The following EXOC4 variants were observed in gnomAD, a reference collection of about 807,000 sequenced individuals.
EXOC4 encodes the protein exocyst complex component 4, also known as SEC8-like 1.
EXOC4 carries 71 observed loss-of-function variants against 107.2 expected under a neutral mutation model. That is an observed-to-expected ratio of 0.66 (90% CI 0.55 to 0.81). The LOEUF is 0.81. Ranked by LOEUF, EXOC4 falls within the 30% of genes least tolerant of loss-of-function variation. The probability of loss-of-function intolerance (pLI) is 0.00; values close to 1 mark genes in which losing one functional copy is unlikely to be tolerated. For synonymous variants in EXOC4, 456 were observed against 441.2 expected, an observed-to-expected ratio of 1.03 and a Z score of -0.42; for missense variants, 1,108 against 1,189.6, an observed-to-expected ratio of 0.93 and a Z score of 1.01.
chr7:133,701,997 C>CTTTTTTTTTTTTTTTTTTTTT (rs71162021), intron 10 of EXOC4, among the ~76,000 whole-genome samples: 1 of 66,608 alleles, frequency 1.5e-5, no homozygotes, highest in African/African-American at 5.4e-5. Flanking sequence ...TTCTTTCTTT[C>CTTTTTTTTTTTTTTTTTTTTT]TTTTTTTTTT....
chr7:133,869,099 C>T (rs1316773054), intron 11 of EXOC4, among the ~76,000 whole-genome samples: 2 of 149,998 alleles, frequency 1.3e-5, no homozygotes, highest in Non-Finnish European at 1.5e-5. Context: ...GAGAGTGTAA[C>T]TTGTCTAGAA....
chr7:134,050,928 C>T (rs1795769990), intron 17 of EXOC4, among the ~76,000 whole-genome samples: 1 of 151,886 alleles, frequency 6.6e-6, no homozygotes, highest in Non-Finnish European at 1.5e-5. Context: ...TAAGAGGCAA[C>T]TGTAACAATC....
intron 6 of EXOC4, among the ~76,000 whole-genome samples, chr7:133,364,813 T>G (rs1008988570): frequency 6.6e-6 from 1 of 152,220 alleles, no homozygotes; most frequent in Non-Finnish European, 1.5e-5. Flanking sequence ...GGGGCATTAT[T>G]ATTAATCCCA....
At chr7:133,275,238 G>A in intron 2 of EXOC4, 67 bp downstream of exon 2, 1 of 1,314,898 alleles carries the variant, frequency 7.6e-7, no homozygotes, top group Non-Finnish European at 1.0e-6. Context: ...AGCTTGGAGA[G>A]GAGCCATGGT....
At chr7:133,816,063 C>T (rs1256907334) in intron 10 of EXOC4, among the ~76,000 whole-genome samples, 2 of 152,174 alleles carry the variant, frequency 1.3e-5, no homozygotes, top group Admixed American at 6.5e-5. Flanking sequence ...TGCTAATAGA[C>T]ATTGGAAGAA....
intron 7 of EXOC4, among the ~76,000 whole-genome samples, chr7:133,407,491 A>G (rs1367561612): frequency 6.6e-6 from 1 of 152,192 alleles, no homozygotes; most frequent in Non-Finnish European, 1.5e-5. Context: ...CAAGTAATCA[A>G]GTCTACGATT....
intron 12 of EXOC4, among the ~76,000 whole-genome samples, chr7:133,896,846 G>GTTTTTTTTTTTTTTTTTTTTTTT (rs1585231519): frequency 2.3e-5 from 1 of 43,246 alleles, no homozygotes; most frequent in African/African-American, 3.4e-4. Context: ...TGTATTTTTA[G>GTTTTTTTTTTTTTTTTTTTTTTT]TAGAGATGGG....
intron 9 of EXOC4, among the ~76,000 whole-genome samples, chr7:133,586,653 G>T (rs909689218): frequency 4.6e-5 from 7 of 152,008 alleles, no homozygotes; most frequent in Admixed American, 4.6e-4. Flanking sequence ...GGGATTGCTG[G>T]GTTGAATAGA....
intron 9 of EXOC4, among the ~76,000 whole-genome samples, chr7:133,628,815 C>T (rs1176279380): frequency 2.6e-5 from 4 of 152,138 alleles, no homozygotes; most frequent in South Asian, 2.1e-4. Context: ...GAGTCCTGGT[C>T]GGAATAGGAA....
intron 9 of EXOC4, among the ~76,000 whole-genome samples, chr7:133,572,208 A>T (rs147053671): frequency 2.1e-4 from 32 of 152,344 alleles, no homozygotes; most frequent in Non-Finnish European, 4.1e-4. Flanking sequence ...ACTTGTGCTT[A>T]GAGGTTCTTT....
chr7:133,415,263 A>G (rs1797449666), intron 7 of EXOC4, among the ~76,000 whole-genome samples: 1 of 152,186 alleles, frequency 6.6e-6, no homozygotes, highest in African/African-American at 2.4e-5. Flanking sequence ...TTGTGTAGAC[A>G]TGTGTTTTCA....
chr7:133,842,232 G>C (rs1230721848), intron 11 of EXOC4, among the ~76,000 whole-genome samples: 1 of 152,214 alleles, frequency 6.6e-6, no homozygotes, highest in Non-Finnish European at 1.5e-5. Context: ...TCCTCAAACT[G>C]TTTTCCATAA....
rs1799289100 is a variant in EXOC4, at chr7:133,895,632, CT to C, written c.1769del (p.Leu590ProfsTer2). The C allele has an allele frequency of 6.2e-7, 1 of 1,613,756 alleles. No homozygotes were observed. The highest frequency in any genetic ancestry group is 8.5e-7 in the Non-Finnish European group (1 of 1,179,816). ...TIIVEKTVQD[L>X]LNLMHDLSAY... ...CATTGTGGAGAAGACAGTTCAAGAC[CT>C]CCTGAACCTGATGCATGACTTGAGT... On this transcript the variant is annotated frameshift_variant, in exon 12 of 18. Coordinates refer to ENST00000253861, the MANE Select transcript of EXOC4 (RefSeq NM_021807.4). LOFTEE classifies it high-confidence loss of function.
intron 13 of EXOC4, among the ~76,000 whole-genome samples, chr7:133,927,946 GC>G (rs1800088770): frequency 6.6e-6 from 1 of 152,090 alleles, no homozygotes; most frequent in Admixed American, 6.5e-5. Context: ...ATTCTTGTTA[GC>G]ATAAGAGTGG....
chr7:133,442,168 G>C (rs76992893), intron 7 of EXOC4, among the ~76,000 whole-genome samples: 3,365 of 152,182 alleles, frequency 0.022, 92 homozygotes, highest in African/African-American at 0.067. Flanking sequence ...TGCCATTGAT[G>C]GTTTGAAATT....
chr7:133,404,399 A>G (rs1325794019), intron 7 of EXOC4, among the ~76,000 whole-genome samples: 2 of 152,024 alleles, frequency 1.3e-5, no homozygotes, highest in East Asian at 3.9e-4. Context: ...CACCGCGCCC[A>G]GCCCCTTAAC....
intron 10 of EXOC4, among the ~76,000 whole-genome samples, chr7:133,765,494 C>T (rs1796117548): frequency 6.6e-6 from 1 of 151,936 alleles, no homozygotes; most frequent in Non-Finnish European, 1.5e-5. Flanking sequence ...TCCAGATGTG[C>T]CCTGTTAACA....
At chr7:133,619,065 C>T (rs1802263827) in intron 9 of EXOC4, among the ~76,000 whole-genome samples, 1 of 150,918 alleles carries the variant, frequency 6.6e-6, no homozygotes, top group African/African-American at 2.4e-5. Flanking sequence ...TAAACAGCAA[C>T]TATAGGTTTG....
intron 10 of EXOC4, among the ~76,000 whole-genome samples, chr7:133,748,803 C>G (rs1795730328): frequency 6.6e-6 from 1 of 152,158 alleles, no homozygotes; most frequent in Admixed American, 6.6e-5. Context: ...CTAGCATAAA[C>G]CAAAATTTCA....
Sources: allele counts gnomAD v4.1 joint callset (sites outside exome capture counted in the v4.1 genomes callset), GRCh38; gene constraint gnomAD v4.1.1; transcripts MANE v1.5; gene names NCBI Gene and HGNC (gene_info 2026-07-23, HGNC 2026-07-21).